The following SPNS2 variants were observed in gnomAD, a reference collection of about 807,000 sequenced individuals.
SPNS2 encodes the protein sphingosine-1-phosphate transporter SPNS2.
Under a neutral mutation model 57.6 loss-of-function variants are expected in SPNS2, and 37 were observed. The observed-to-expected ratio is 0.64, with a 90% CI of 0.49 to 0.85. The LOEUF (loss-of-function observed/expected upper bound fraction) is 0.85. SPNS2 is among the 40% of genes least tolerant of loss of function. The probability of loss-of-function intolerance (pLI) is 0.00; values close to 1 mark genes in which losing one functional copy is unlikely to be tolerated. For synonymous variants in SPNS2, 440 were observed against 346.9 expected (o/e 1.27, Z -2.98); for missense variants, 831 against 779.1 (o/e 1.07, Z -0.79).
At chr17:4,531,153 T>C (rs372421678) in intron 5 of SPNS2, 34 bp downstream of exon 5, 24 of 1,607,862 alleles carry the variant, frequency 1.5e-5, no homozygotes, top group Non-Finnish European at 2.0e-5. Flanking sequence ...GAGGACACCC[T>C]CCGGTCCAGA....
chr17:4,537,346 CAGG>C (rs1174893743), intron 12 of SPNS2, 104 bp from the exon 13 acceptor site: 8 of 400,850 alleles, frequency 2.0e-5, no homozygotes, highest in African/African-American at 4.1e-5. Flanking sequence ...GCTGCAGGTC[CAGG>C]AGAAGGCTTG....
chr17:4,499,080 G>A lies in SPNS2; in HGVS notation c.33G>A (p.Ala11=), dbSNP rs1209998296. Residue 11 remains alanine, a synonymous_variant, in exon 1 of 13, where the codon GCG becomes GCA. Coordinates refer to ENST00000329078, the MANE Select transcript of SPNS2 (RefSeq NM_001124758.3). This position sits in a 1 kb window ranked among gnomAD's most constrained non-coding sequence, Gnocchi z 5.2. MMCLECASAA[A]GGAEEEEADA... is the part of the protein sequence containing the mutation. Reference sequence around the variant, plus strand: ...GCCTGGAATGCGCCTCGGCGGCGGCGGGCGGCGCGGAGGAGGAGGAGGCGG... The same window carrying A: ...GCCTGGAATGCGCCTCGGCGGCGGCAGGCGGCGCGGAGGAGGAGGAGGCGG... 9.6e-7 allele frequency: 1 copy of A among 1,037,198 alleles called. No individual in the cohort carries two copies. The highest frequency in any genetic ancestry group is 1.2e-6 in the Non-Finnish European group (1 of 865,852). 64.2% of individuals were successfully genotyped at this position (1,037,198 alleles called of 1,614,324 possible).
chr17:4,531,289 C>T lies in SPNS2; in HGVS notation c.792+170C>T, dbSNP rs139721171. 5.3e-3 allele frequency among the ~76,000 whole-genome samples: 809 copies of T among 152,330 alleles called. 9 individuals are homozygous for T. The highest frequency in any genetic ancestry group is 0.018 in the African/African-American group (759 of 41,570). ...ATTAGTCCAGATTGAGGTATCAGAG[C>T]GCTCAGATGTCCCGATTGAGGTGTC... On this transcript the variant is annotated intron_variant, in intron 5 of 12. Coordinates refer to ENST00000329078, the MANE Select transcript of SPNS2 (RefSeq NM_001124758.3).
At chr17:4,530,121 G>A (rs1266126488) in intron 3 of SPNS2, among the ~76,000 whole-genome samples, 1 of 152,200 alleles carries the variant, frequency 6.6e-6, no homozygotes, top group African/African-American at 2.4e-5. Flanking sequence ...GCAGGGGGAG[G>A]GGCTCTGGGT....
intron 9 of SPNS2, among the ~76,000 whole-genome samples, chr17:4,535,552 C>G (rs984178969): frequency 6.6e-6 from 1 of 152,180 alleles, no homozygotes; most frequent in Non-Finnish European, 1.5e-5. Flanking sequence ...GAGCAGGAGC[C>G]GCGCTGGAGA....
At chr17:4,533,989 G>C in intron 9 of SPNS2, 136 bp downstream of exon 9, 2 of 839,348 alleles carry the variant, frequency 2.4e-6, no homozygotes, top group East Asian at 5.3e-5. Context: ...GAACCCAGAG[G>C]CAGGGAGGGG....
chr17:4,534,842 C>T (rs1905694731), intron 9 of SPNS2, among the ~76,000 whole-genome samples: 1 of 152,096 alleles, frequency 6.6e-6, no homozygotes, highest in African/African-American at 2.4e-5. Flanking sequence ...ATTAAGTGCT[C>T]TTGGTGCTGG....
intron 12 of SPNS2, 106 bp from the exon 13 acceptor site, chr17:4,537,347 A>G (rs1038271189): frequency 3.0e-5 from 12 of 400,618 alleles, no homozygotes; most frequent in Non-Finnish European, 4.9e-5. Context: ...CTGCAGGTCC[A>G]GGAGAAGGCT....
At position 4,530,684 on chromosome 17, in the gene SPNS2, G is replaced by T. The variant is rs1905426083; in HGVS notation, c.626G>T (p.Ser209Ile). 6.2e-7 allele frequency: 1 copy of T among 1,613,936 alleles called. No individual in the cohort carries two copies. The highest frequency in any genetic ancestry group is 1.3e-5 in the African/African-American group (1 of 75,034). The change falls in exon 4 of 13, where the codon AGC becomes ATC. Residue 209 changes from serine to isoleucine, a missense_variant. This residue lies in a region of SPNS2 where 305 missense variants were observed against 378.3 expected (regional missense o/e 0.81). Transcript: ENST00000329078. ...SRGLVGIGEA[S>I]YSTIAPTIIG... The stretch of plus-strand genomic sequence containing the variant: ...GGGCTGGTGGGCATCGGGGAGGCCA[G>T]CTACTCCACCATCGCCCCCACTATC...
At chr17:4,537,421 C>A in intron 12 of SPNS2, 32 bp from the exon 13 acceptor site, 1 of 433,052 alleles carries the variant, frequency 2.3e-6, no homozygotes, top group South Asian at 1.6e-5. Context: ...CCCCACTAAG[C>A]CCCACTGCTG....
At chr17:4,523,505 C>T (rs896364028) in intron 2 of SPNS2, among the ~76,000 whole-genome samples, 2 of 151,672 alleles carry the variant, frequency 1.3e-5, no homozygotes, top group African/African-American at 4.8e-5. Context: ...CGGTGGCTCA[C>T]GCCTGTAGTC....
intron 5 of SPNS2, among the ~76,000 whole-genome samples, chr17:4,531,431 G>C (rs1905468619): frequency 6.6e-6 from 1 of 152,216 alleles, no homozygotes; most frequent in African/African-American, 2.4e-5. Flanking sequence ...GGAAATTCCA[G>C]GTCCATGGCG....
Position 4,533,402 on chromosome 17 carries a change from G to T in SPNS2, c.1248G>T (p.Val416=). 1 of 1,608,796 alleles carries T rather than the reference G, an allele frequency of 6.2e-7. No individual in the cohort carries two copies. Among genetic ancestry groups the T allele is most frequent in the Non-Finnish European group, 8.5e-7 (1 of 1,178,052 alleles). ...CCATCTTCATCTGCCTGATCTTCGT[G>T]GCTGCCAAGAGCAGCATCGTAGGAG... The part of the protein sequence containing the change: ...GSAIFICLIF[V]AAKSSIVGAY... The change falls in exon 8 of 13, where the codon GTG becomes GTT. Residue 416 remains valine, a synonymous_variant. Coordinates refer to ENST00000329078, the MANE Select transcript of SPNS2 (RefSeq NM_001124758.3).
Position 4,499,363 on chromosome 17 carries a change from G to A in SPNS2, c.316G>A (p.Ala106Thr). The change falls in exon 1 of 13, where the codon GCC (alanine) becomes ACC (threonine). Residue 106 changes from alanine (A) to threonine (T), a missense_variant. Transcript: ENST00000329078. This position sits in a 1 kb window ranked among gnomAD's most constrained non-coding sequence, Gnocchi z 5.2. Reference sequence around the variant, plus strand: ...GGGCCGCGGGCGGGGGGCAGCCGCCGCCATCCTCAGCTTGGGCAACGTGCT... The same window carrying A: ...GGGCCGCGGGCGGGGGGCAGCCGCCACCATCCTCAGCTTGGGCAACGTGCT... ...SLGRGRGAAAAILSLGNVLNY... is the reference protein window; with the variant it reads ...SLGRGRGAAATILSLGNVLNY... 2 of 1,423,440 alleles carry A rather than the reference G, an allele frequency of 1.4e-6. No homozygotes were observed. The highest frequency in any genetic ancestry group is 1.8e-6 in the Non-Finnish European group (2 of 1,092,986). 88.2% of individuals were successfully genotyped at this position (1,423,440 alleles called of 1,614,324 possible).
intron 3 of SPNS2, among the ~76,000 whole-genome samples, chr17:4,525,894 A>T (rs569834127): frequency 6.6e-6 from 1 of 152,362 alleles, no homozygotes; most frequent in East Asian, 1.9e-4. Flanking sequence ...CTCCTTCCAA[A>T]GATGAGACTG....
In SPNS2 at chr17:4,536,882, C is replaced by T. The variant is rs745758346; in HGVS notation, c.1608-18C>T. 126 of 1,612,400 alleles carry T rather than the reference C, an allele frequency of 7.8e-5. No homozygotes were observed. The highest frequency in any genetic ancestry group is 2.5e-4 in the South Asian group (23 of 91,024). On this transcript the variant is annotated intron_variant, in intron 11 of 12. Transcript: ENST00000329078. The stretch of plus-strand genomic sequence containing the variant: ...CCCGCTGATGCACCACCCTGACCCC[C>T]GCCCGTCTCTCCCCCAGGGTGAACC...
rs1904361937 is a variant in SPNS2, at chr17:4,499,038, C to T, written c.-10C>T. 1 of 1,004,830 alleles carries T rather than the reference C, an allele frequency of 1.0e-6. No homozygotes were observed. Among genetic ancestry groups the T allele is most frequent in the Non-Finnish European group, 1.2e-6 (1 of 844,316 alleles). 62.2% of individuals were successfully genotyped at this position (1,004,830 alleles called of 1,614,324 possible). A position where few individuals can be genotyped will look rare whatever the true frequency, so the allele number is the denominator to read the frequency against. ...CCCCCGCGCCCCCCGCCGCCCCGAT[C>T]CGGGCCGGCATGATGTGCCTGGAAT... On this transcript the variant is annotated 5_prime_UTR_variant, in exon 1 of 13. Transcript: ENST00000329078. The surrounding 1 kb of genome is among the most constrained non-coding windows in gnomAD (Gnocchi z 5.2).
chr17:4,509,018 G>A (rs1597359504), intron 1 of SPNS2, among the ~76,000 whole-genome samples: 1 of 152,212 alleles, frequency 6.6e-6, no homozygotes, highest in Admixed American at 6.5e-5. Flanking sequence ...CCAGGGAGGA[G>A]GCTGGACGAT....
chr17:4,527,848 ACT>A (rs1466555376), intron 3 of SPNS2, among the ~76,000 whole-genome samples: 4 of 150,498 alleles, frequency 2.7e-5, no homozygotes, highest in African/African-American at 4.9e-5. Flanking sequence ...ATATTGTAAA[ACT>A]CTGTTTATCT....
Sources: gnomAD v4.1 joint callset for allele counts (sites outside exome capture counted in the v4.1 genomes callset) on GRCh38, gnomAD v4.1.1 for gene constraint, gnomAD v4.1.1 regional missense constraint, Gnocchi (gnomAD v3.1) non-coding constraint, MANE v1.5 for transcripts, NCBI Gene and HGNC (gene_info 2026-07-23, HGNC 2026-07-21) for gene names.